The following PPEF2 variants were observed in gnomAD, a reference collection of about 807,000 sequenced individuals.
The protein encoded by PPEF2 is serine/threonine-protein phosphatase with EF-hands 2.
Under a neutral mutation model 84.7 loss-of-function variants are expected in PPEF2, and 84 were observed. The ratio of observed to expected loss-of-function variants is 0.99; its 90% confidence interval spans 0.83 to 1.19. The LOEUF (loss-of-function observed/expected upper bound fraction) is 1.19, where lower values mean the gene tolerates loss of function less well. PPEF2 is among the 50% of genes most tolerant of loss of function. PPEF2 has a pLI of 0.00. For synonymous variants in PPEF2, 346 were observed against 345.2 expected (o/e 1.00, Z -0.03); for missense variants, 924 against 937.5 (o/e 0.99, Z 0.19).
chr4:75,890,274 C>T (rs1018937350), intron 4 of PPEF2, 142 bp from the exon 5 acceptor site: 3 of 895,158 alleles, frequency 3.4e-6, no homozygotes, highest in Non-Finnish European at 5.0e-6. Flanking sequence ...TTGCTTGAGC[C>T]CAGGAGTTTG....
chr4:75,875,363 C>T (rs1724382312), intron 11 of PPEF2, among the ~76,000 whole-genome samples: 1 of 151,972 alleles, frequency 6.6e-6, no homozygotes, highest in South Asian at 2.1e-4. Flanking sequence ...AATCCCAGCA[C>T]TTTGGGAGGC....
At chr4:75,891,540 C>T in intron 4 of PPEF2, 108 bp downstream of exon 4, 3 of 1,289,924 alleles carry the variant, frequency 2.3e-6, no homozygotes, top group Non-Finnish European at 3.2e-6. Context: ...TTGCTTATTC[C>T]CTGGCTGTCA....
intron 12 of PPEF2, among the ~76,000 whole-genome samples, chr4:75,872,370 T>A (rs1724302660): frequency 6.6e-6 from 1 of 152,174 alleles, no homozygotes; most frequent in African/African-American, 2.4e-5. Context: ...TCATAGAAAT[T>A]TGAATTCCGA....
chr4:75,865,395 A>G (rs1222629196), intron 15 of PPEF2, among the ~76,000 whole-genome samples: 1 of 150,840 alleles, frequency 6.6e-6, no homozygotes, highest in Non-Finnish European at 1.5e-5. Flanking sequence ...AGCCTTTCAG[A>G]TTTGTTTTTT....
chr4:75,880,334 A>G (rs1000893434), intron 10 of PPEF2, among the ~76,000 whole-genome samples: 2 of 152,216 alleles, frequency 1.3e-5, no homozygotes, highest in African/African-American at 2.4e-5. Flanking sequence ...ACAAAATACT[A>G]AGACTCTTCC....
chr4:75,860,286 G>A lies in PPEF2; in HGVS notation c.*381C>T, dbSNP rs1163126557. The A allele has an allele frequency of 1.5e-5, 3 of 200,586 alleles. No homozygotes were observed. In the East Asian group the frequency reaches 4.0e-4, roughly 27 times the overall value. The allele number at this position is 200,586 out of a possible 1,614,324, so 12.4% of individuals were successfully genotyped here. On this transcript the variant is annotated 3_prime_UTR_variant, in exon 17 of 17. Transcript: ENST00000286719. Reference sequence around the variant, plus strand: ...TCGCCTGGGAGGCGGACTTTGCGGTGAGCCGAGATCGCGCCAATGCACTCC... The same window carrying A: ...TCGCCTGGGAGGCGGACTTTGCGGTAAGCCGAGATCGCGCCAATGCACTCC...
At position 75,867,420 on chromosome 4, in the gene PPEF2, C is replaced by A; in HGVS notation, c.1650-1G>T. 1 of 1,608,916 alleles carries A rather than the reference C, an allele frequency of 6.2e-7. No homozygotes were observed. The highest frequency in any genetic ancestry group is 8.5e-7 in the Non-Finnish European group (1 of 1,176,780). On this transcript the variant is annotated splice_acceptor_variant, in intron 13 of 16. Transcript: ENST00000286719. LOFTEE classifies it high-confidence loss of function. The stretch of plus-strand genomic sequence containing the variant: ...AGCCGACTCCTCCACTCTGCTAATC[C>A]TGGGACAGGAGATGAAAAGCGACAT...
chr4:75,897,759 A>G (rs1725040515), intron 1 of PPEF2, among the ~76,000 whole-genome samples: 9 of 152,328 alleles, frequency 5.9e-5, no homozygotes, highest in Admixed American at 4.6e-4. Context: ...CCTGGGCGAC[A>G]GAGCAAGACT....
At chr4:75,900,045 T>C (rs1182697000) in intron 1 of PPEF2, among the ~76,000 whole-genome samples, 1 of 152,224 alleles carries the variant, frequency 6.6e-6, no homozygotes, top group East Asian at 1.9e-4. Context: ...GTGCTTTCTA[T>C]ACAATAAAAC....
In PPEF2 at chr4:75,887,699, G is replaced by A. The variant is rs148407684; in HGVS notation, c.532+515C>T. The stretch of plus-strand genomic sequence containing the variant: ...TGCAGGCTGCAGGTGACCCTAGCAG[G>A]GCCAGTTACAATCCCTCCTGCACTG... On this transcript the variant is annotated intron_variant, in intron 6 of 16. Coordinates refer to ENST00000286719, the MANE Select transcript of PPEF2 (RefSeq NM_006239.3). Among the ~76,000 whole-genome samples, 637 of 152,186 alleles carry A rather than the reference G, an allele frequency of 4.2e-3. 3 individuals are homozygous for A. Among genetic ancestry groups the A allele is most frequent in the Middle Eastern group, 6.8e-3 (2 of 292 alleles).
At position 75,864,485 on chromosome 4, in the gene PPEF2, A is replaced by G. The variant is rs547281570; in HGVS notation, c.1963T>C (p.Ser655Pro). ...SLLETLYRNR[S>P]NLETIFRIID... ...ATCCTAAAAATGGTCTCTAGGTTGG[A>G]TCGGTTTCGATACAATGTTTCCAGC... The change falls in exon 16 of 17, where the codon TCC becomes CCC. Residue 655 changes from serine (S) to proline (P), a missense_variant. Coordinates refer to ENST00000286719, the MANE Select transcript of PPEF2 (RefSeq NM_006239.3). 6.2e-7 allele frequency: 1 copy of G among 1,613,202 alleles called. No homozygotes were observed. The highest frequency in any genetic ancestry group is 2.2e-5 in the East Asian group (1 of 44,840).
chr4:75,861,860 C>T (rs1481719116), intron 16 of PPEF2, among the ~76,000 whole-genome samples: 1 of 148,948 alleles, frequency 6.7e-6, no homozygotes, highest in Non-Finnish European at 1.5e-5. Flanking sequence ...CCACCTACCT[C>T]GGCCTCCCAA....
chr4:75,882,971 T>G lies in PPEF2; in HGVS notation c.888A>C (p.Ser296=). Reference sequence around the variant, plus strand: ...CCAAAAGCTCCAGATCAGTTATGTCTGACACCCCACCATGAAGAATTAGAA... The same window carrying G: ...CCAAAAGCTCCAGATCAGTTATGTCGGACACCCCACCATGAAGAATTAGAA... ...EKVLILHGGV[S]DITDLELLDK... The change falls in exon 10 of 17, where the codon TCA becomes TCC. Residue 296 remains serine, a synonymous_variant. Coordinates refer to ENST00000286719, the MANE Select transcript of PPEF2 (RefSeq NM_006239.3). 6.2e-7 allele frequency: 1 copy of G among 1,614,188 alleles called. No individual in the cohort carries two copies.
chr4:75,866,037 G>T, intron 15 of PPEF2, 152 bp downstream of exon 15: 1 of 890,646 alleles, frequency 1.1e-6, no homozygotes, highest in Non-Finnish European at 1.7e-6. Context: ...TAACACAAAA[G>T]CCTGACACAT....
At chr4:75,868,342 A>AAAAAAC (rs1724186286) in intron 13 of PPEF2, among the ~76,000 whole-genome samples, 2 of 131,542 alleles carry the variant, frequency 1.5e-5, no homozygotes, top group Admixed American at 8.4e-5. Flanking sequence ...AGAATATAAA[A>AAAAAAC]AGAGATAAAA....
intron 2 of PPEF2, 140 bp downstream of exon 2, chr4:75,896,131 A>G (rs1406229461): frequency 4.7e-6 from 4 of 855,130 alleles, no homozygotes; most frequent in Non-Finnish European, 5.9e-6. Context: ...TGTCACAAGG[A>G]GGAGAAGCTG....
At chr4:75,875,525 T>A (rs1330242484) in intron 11 of PPEF2, among the ~76,000 whole-genome samples, 1 of 151,982 alleles carries the variant, frequency 6.6e-6, no homozygotes, top group African/African-American at 2.4e-5. Context: ...AGGAGGATCA[T>A]CTGAGCCTGG....
intron 8 of PPEF2, among the ~76,000 whole-genome samples, chr4:75,884,289 A>G (rs1461056798): frequency 1.3e-5 from 2 of 151,184 alleles, no homozygotes; most frequent in African/African-American, 2.4e-5. Flanking sequence ...TTAGCTGGGC[A>G]TGGTGGTGCG....
At chr4:75,864,326 T>C in intron 16 of PPEF2, 114 bp downstream of exon 16, 1 of 791,274 alleles carries the variant, frequency 1.3e-6, no homozygotes, top group East Asian at 2.5e-5. Flanking sequence ...CTTCTTACCT[T>C]GCTCTCCAAA....
Sources: gnomAD v4.1 joint callset for allele counts (sites outside exome capture counted in the v4.1 genomes callset) on GRCh38, gnomAD v4.1.1 for gene constraint, MANE v1.5 for transcripts, NCBI Gene and HGNC (gene_info 2026-07-23, HGNC 2026-07-21) for gene names.